The following GASK1B variants were observed in gnomAD, a reference collection of about 807,000 sequenced individuals.
GASK1B encodes the protein Golgi-associated kinase 1B.
A neutral mutation model predicts 42.8 loss-of-function variants in GASK1B; 34 were observed. That is an observed-to-expected ratio of 0.79 (90% CI 0.60 to 1.06). The LOEUF (loss-of-function observed/expected upper bound fraction) is 1.06, where lower values mean the gene tolerates loss of function less well. Among genes scored for constraint, GASK1B ranks in the 50% least tolerant of loss-of-function variants. GASK1B has a pLI of 0.00. For missense variants in GASK1B, 686 were observed against 661.0 expected (o/e 1.04, Z -0.42); for synonymous variants, 262 against 259.1 (o/e 1.01, Z -0.11).
chr4:158,168,822 T>A (rs868070967), intron 2 of GASK1B: 2 of 152,336 alleles, frequency 1.3e-5, no homozygotes, highest in Middle Eastern at 3.4e-3. Context: ...GGGGCCTTTA[T>A]GACATGAAAA....
chr4:158,171,306 G>A lies in GASK1B; in HGVS notation c.70C>T (p.Arg24Cys), dbSNP rs1478780697. ...GGACGCCGGCTGCTCCAGAGCTTAC[G>A]CACCCGCGGGACGCACAGGGAGCAG... ...FICSLCVPRV[R>C]KLWSSRRPRT... The change falls in exon 2 of 5, where the codon CGT (arginine) becomes TGT (cysteine). Residue 24 changes from arginine to cysteine, a missense_variant. By Grantham distance (180) the Arg-to-Cys change is radical. Coordinates refer to ENST00000585682, the MANE Select transcript of GASK1B (RefSeq NM_001128424.2). 5 of 1,612,980 alleles carry A rather than the reference G, an allele frequency of 3.1e-6. No homozygotes were observed. The highest frequency in any genetic ancestry group is 1.7e-5 in the Admixed American group (1 of 59,958).
At chr4:158,165,569 A>G (rs989479935) in intron 2 of GASK1B, among the ~76,000 whole-genome samples, 1 of 152,216 alleles carries the variant, frequency 6.6e-6, no homozygotes, top group Non-Finnish European at 1.5e-5. Flanking sequence ...ACTTGAGTAA[A>G]AATATTGTCA....
intron 3 of GASK1B, among the ~76,000 whole-genome samples, chr4:158,133,304 C>A (rs545882269): frequency 3.5e-4 from 53 of 152,130 alleles, no homozygotes; most frequent in African/African-American, 1.3e-3. Context: ...AATAAAAAAA[C>A]TTAAATCTTA....
At chr4:158,139,245 A>T (rs73857591) in intron 3 of GASK1B, among the ~76,000 whole-genome samples, 1 of 152,214 alleles carries the variant, frequency 6.6e-6, no homozygotes, top group Non-Finnish European at 1.5e-5. Flanking sequence ...GCCTCTAAGA[A>T]TGATTCACTG....
chr4:158,129,689 G>A (rs1405652916), intron 4 of GASK1B, among the ~76,000 whole-genome samples: 1 of 152,146 alleles, frequency 6.6e-6, no homozygotes, highest in Non-Finnish European at 1.5e-5. Flanking sequence ...GGATTTGGAA[G>A]ACTTGGGTTC....
intron 3 of GASK1B, among the ~76,000 whole-genome samples, chr4:158,144,106 T>C (rs1269623083): frequency 6.6e-6 from 1 of 152,184 alleles, no homozygotes; most frequent in African/African-American, 2.4e-5. Context: ...TATATCACTT[T>C]CCCTGTCTCT....
chr4:158,152,315 T>C (rs1731588261), intron 3 of GASK1B, among the ~76,000 whole-genome samples: 3 of 152,166 alleles, frequency 2.0e-5, no homozygotes, highest in Admixed American at 2.0e-4. Context: ...ACGTATTAGT[T>C]CTGTCCCTCT....
intron 3 of GASK1B, among the ~76,000 whole-genome samples, chr4:158,150,027 G>A (rs113881320): frequency 0.024 from 3,282 of 137,716 alleles, 65 homozygotes; most frequent in Middle Eastern, 0.056. Context: ...CCAGGTTCAC[G>A]CCATTCTCCT....
chr4:158,141,223 A>G (rs145148601), intron 3 of GASK1B, among the ~76,000 whole-genome samples: 27 of 152,146 alleles, frequency 1.8e-4, no homozygotes, highest in African/African-American at 5.8e-4. Context: ...AGGAATCTAT[A>G]TGTTTCTTAA....
At chr4:158,143,401 G>A (rs1731208898) in intron 3 of GASK1B, among the ~76,000 whole-genome samples, 1 of 152,134 alleles carries the variant, frequency 6.6e-6, no homozygotes, top group African/African-American at 2.4e-5. Context: ...TATTTTGCAA[G>A]TGGCAATATG....
intron 3 of GASK1B, among the ~76,000 whole-genome samples, chr4:158,153,940 G>C (rs1183209451): frequency 6.6e-6 from 1 of 152,024 alleles, no homozygotes; most frequent in African/African-American, 2.4e-5. Flanking sequence ...CTGGACATCA[G>C]CTTAGGCAAA....
chr4:158,164,126 T>C (rs1361765955), intron 2 of GASK1B, among the ~76,000 whole-genome samples: 12 of 152,190 alleles, frequency 7.9e-5, no homozygotes, highest in Admixed American at 4.6e-4. Context: ...AACTCACACA[T>C]GGCCCTCTAG....
chr4:158,131,090 G>A, intron 3 of GASK1B, 78 bp from the exon 4 acceptor site: 1 of 1,253,558 alleles, frequency 8.0e-7, no homozygotes, highest in Non-Finnish European at 1.1e-6. Flanking sequence ...TCAAAGATCA[G>A]TGCTTTCTGA....
chr4:158,159,481 C>A (rs763626463), intron 2 of GASK1B: 4 of 431,794 alleles, frequency 9.3e-6, no homozygotes, highest in Non-Finnish European at 9.1e-6. Context: ...AGAAAAATTG[C>A]CTCTGAAAAC....
intron 2 of GASK1B, chr4:158,168,408 G>A (rs1440139965): frequency 1.3e-5 from 2 of 152,178 alleles, no homozygotes; most frequent in Non-Finnish European, 1.5e-5. Flanking sequence ...ATCACGTAAC[G>A]AAGTAACACA....
At chr4:158,135,777 A>G (rs1730865773) in intron 3 of GASK1B, among the ~76,000 whole-genome samples, 1 of 152,194 alleles carries the variant, frequency 6.6e-6, no homozygotes. Context: ...TCAGAAATAC[A>G]AAGAACTTCC....
At chr4:158,137,191 C>T (rs187243655) in intron 3 of GASK1B, among the ~76,000 whole-genome samples, 1 of 152,214 alleles carries the variant, frequency 6.6e-6, no homozygotes, top group East Asian at 1.9e-4. Context: ...ATTCTCATAT[C>T]TCACAGAGGG....
At position 158,155,641 on chromosome 4, in the gene GASK1B, G is replaced by T. The variant is rs1731728479; in HGVS notation, c.1095C>A (p.Ser365=). 1 of 1,613,622 alleles carries T rather than the reference G, an allele frequency of 6.2e-7. No individual in the cohort carries two copies. The highest frequency in any genetic ancestry group is 1.3e-5 in the African/African-American group (1 of 74,886). Residue 365 remains serine, a synonymous_variant, in exon 3 of 5, where the codon TCC becomes TCA. Coordinates refer to ENST00000585682, the MANE Select transcript of GASK1B (RefSeq NM_001128424.2). ...GCTEIHHHEW[S]KMALFDFLLQ... is the part of the protein sequence containing the mutation. ...ACAAAAAATCAAAGAGTGCCATCTTGGACCACTCATGATGATGTATTTCAG... is the reference window on the plus strand; with the variant it reads ...ACAAAAAATCAAAGAGTGCCATCTTTGACCACTCATGATGATGTATTTCAG...
chr4:158,153,133 T>C (rs1378651851), intron 3 of GASK1B, among the ~76,000 whole-genome samples: 1 of 152,198 alleles, frequency 6.6e-6, no homozygotes, highest in African/African-American at 2.4e-5. Context: ...CTAGAACTGA[T>C]AAATGACTTC....
Sources: gnomAD v4.1 joint callset for allele counts (sites outside exome capture counted in the v4.1 genomes callset) on GRCh38, gnomAD v4.1.1 for gene constraint, MANE v1.5 for transcripts, NCBI Gene and HGNC (gene_info 2026-07-23, HGNC 2026-07-21) for gene names.